Variants in JMJD1C observed in about 807,000 individuals in gnomAD.
The protein encoded by JMJD1C is jumonji domain containing 1C.
Under a neutral mutation model 245.3 loss-of-function variants are expected in JMJD1C, and 31 were observed. The ratio of observed to expected loss-of-function variants is 0.13; its 90% CI spans 0.09 to 0.17. The LOEUF (loss-of-function observed/expected upper bound fraction) is 0.17, where lower values mean the gene tolerates loss of function less well. Among genes scored for constraint, JMJD1C ranks in the 10% least tolerant of loss-of-function variants. The probability of loss-of-function intolerance (pLI) is 1.00; values close to 1 mark genes in which losing one functional copy is unlikely to be tolerated. For missense variants in JMJD1C, 2,691 were observed against 3,000.2 expected (o/e 0.90, Z 2.41); for synonymous variants, 1,057 against 1,017.4 (o/e 1.04, Z -0.74).
At chr10:63,483,337 T>C (rs906199208) in intron 1 of JMJD1C, among the ~76,000 whole-genome samples, 6 of 152,212 alleles carry the variant, frequency 3.9e-5, no homozygotes, top group African/African-American at 1.2e-4. Flanking sequence ...AAGTGAGCGG[T>C]TGCATAAGTC....
chr10:63,257,955 A>C (rs1458168621), intron 3 of JMJD1C, among the ~76,000 whole-genome samples: 1 of 152,222 alleles, frequency 6.6e-6, no homozygotes, highest in Non-Finnish European at 1.5e-5. Flanking sequence ...AGTTCTAGGG[A>C]AGACTAGTAA....
intron 1 of JMJD1C, among the ~76,000 whole-genome samples, chr10:63,515,520 C>G (rs991264363): frequency 6.6e-6 from 1 of 152,152 alleles, no homozygotes; most frequent in Non-Finnish European, 1.5e-5. Context: ...AGCAACTCCT[C>G]AATTACAGCT....
intron 1 of JMJD1C, among the ~76,000 whole-genome samples, chr10:63,508,983 A>T (rs1043979975): frequency 6.6e-6 from 1 of 152,202 alleles, no homozygotes; most frequent in African/African-American, 2.4e-5. Flanking sequence ...CAATGATTAG[A>T]GGGGACATTC....
At chr10:63,261,043 T>C (rs963264189) in intron 3 of JMJD1C, among the ~76,000 whole-genome samples, 27 of 152,174 alleles carry the variant, frequency 1.8e-4, no homozygotes, top group African/African-American at 6.5e-4. Context: ...ATGTTAAGTG[T>C]AGCCAGGCAT....
chr10:63,305,348 C>T (rs1937898142), intron 2 of JMJD1C, among the ~76,000 whole-genome samples: 1 of 135,182 alleles, frequency 7.4e-6, no homozygotes, highest in Admixed American at 7.9e-5. Flanking sequence ...AGCCTGGCGA[C>T]GGAGCAAGAC....
intron 1 of JMJD1C, among the ~76,000 whole-genome samples, chr10:63,426,503 T>A (rs1950448220): frequency 6.6e-6 from 1 of 152,162 alleles, no homozygotes; most frequent in South Asian, 2.1e-4. Flanking sequence ...AAACCCCGTC[T>A]CTACTGAAAA....
chr10:63,398,949 T>A (rs1196316706), intron 1 of JMJD1C, among the ~76,000 whole-genome samples: 1 of 152,188 alleles, frequency 6.6e-6, no homozygotes, highest in Non-Finnish European at 1.5e-5. Context: ...TCCTGGCCAC[T>A]GGAATATATT....
chr10:63,376,594 C>A (rs1946761782), intron 2 of JMJD1C, among the ~76,000 whole-genome samples: 1 of 151,916 alleles, frequency 6.6e-6, no homozygotes, highest in African/African-American at 2.4e-5. Context: ...ACAAATGATC[C>A]AATTCAAAAA....
At chr10:63,305,964 T>A (rs912618487) in intron 2 of JMJD1C, among the ~76,000 whole-genome samples, 1 of 152,028 alleles carries the variant, frequency 6.6e-6, no homozygotes, top group African/African-American at 2.4e-5. Context: ...GCACAAGCAA[T>A]CTGCCCACCT....
chr10:63,477,564 A>C (rs1419358784), intron 1 of JMJD1C, among the ~76,000 whole-genome samples: 1 of 152,040 alleles, frequency 6.6e-6, no homozygotes, highest in African/African-American at 2.4e-5. Flanking sequence ...AAAAAAAAAA[A>C]AAAAAACAAC....
intron 1 of JMJD1C, among the ~76,000 whole-genome samples, chr10:63,419,359 C>T (rs1949983619): frequency 6.6e-6 from 1 of 151,972 alleles, no homozygotes; most frequent in Non-Finnish European, 1.5e-5. Flanking sequence ...TGCACTCCAG[C>T]CTGGGCGACA....
At chr10:63,457,522 AAAC>A (rs1007579061) in intron 1 of JMJD1C, among the ~76,000 whole-genome samples, 8 of 152,202 alleles carry the variant, frequency 5.3e-5, no homozygotes, top group South Asian at 2.1e-4. Flanking sequence ...AACAAGATTA[AAAC>A]AACAACAACA....
intron 2 of JMJD1C, among the ~76,000 whole-genome samples, chr10:63,287,285 T>C (rs1858096192): frequency 6.6e-6 from 1 of 152,262 alleles, no homozygotes; most frequent in South Asian, 2.1e-4. Context: ...AGATTTTGGG[T>C]GATGCAAAGA....
At chr10:63,458,024 C>T (rs1471160309) in intron 1 of JMJD1C, among the ~76,000 whole-genome samples, 5 of 152,134 alleles carry the variant, frequency 3.3e-5, no homozygotes, top group Non-Finnish European at 5.9e-5. Flanking sequence ...ATAATAATTT[C>T]GTAAACTAGC....
Position 63,207,868 on chromosome 10 carries a change from A to G in JMJD1C, c.3801T>C (p.Ser1267=). 1 of 1,614,164 alleles carries G rather than the reference A, an allele frequency of 6.2e-7. No individual in the cohort carries two copies. Among genetic ancestry groups the G allele is most frequent in the Non-Finnish European group, 8.5e-7 (1 of 1,180,004 alleles). The change falls in exon 10 of 26, where the codon TCT becomes TCC. Residue 1267 remains serine, a synonymous_variant. Coordinates refer to ENST00000399262, the MANE Select transcript of JMJD1C (RefSeq NM_032776.3). ...PKDSQANFKS[S]SEQSLTEMWR... ...ACATCTCCGTCAAACTCTGTTCTGA[A>G]GAACTCTTAAAATTTGCCTGGGAGT...
chr10:63,463,938 T>A (rs1294437365), intron 1 of JMJD1C, among the ~76,000 whole-genome samples: 1 of 152,182 alleles, frequency 6.6e-6, no homozygotes, highest in East Asian at 1.9e-4. Flanking sequence ...TTTAATCACT[T>A]AAATTCCCAA....
At position 63,192,841 on chromosome 10, in the gene JMJD1C, A is replaced by G. The variant is rs1844996699; in HGVS notation, c.6076+97T>C. 3 of 900,156 alleles carry G rather than the reference A, an allele frequency of 3.3e-6. No homozygotes were observed. In the East Asian group the frequency reaches 7.3e-5, roughly 22 times the overall value. The allele number at this position is 900,156 out of a possible 1,614,324, so 55.8% of individuals were successfully genotyped here. A position where few individuals can be genotyped will look rare whatever the true frequency, so the allele number is the denominator to read the frequency against. ...AGAAAAAGACCAAAGTAAATTGTTT[A>G]CCTCAATATTAACAGTACTTTATTG... On this transcript the variant is annotated intron_variant, in intron 16 of 25. Coordinates refer to ENST00000399262, the MANE Select transcript of JMJD1C (RefSeq NM_032776.3).
chr10:63,373,732 C>T (rs1027728223), intron 2 of JMJD1C, among the ~76,000 whole-genome samples: 9 of 152,096 alleles, frequency 5.9e-5, no homozygotes, highest in African/African-American at 2.2e-4. Context: ...ATATACAGAT[C>T]CCTCAAATTT....
At chr10:63,252,437 C>T (rs1385826231) in intron 3 of JMJD1C, among the ~76,000 whole-genome samples, 1 of 152,186 alleles carries the variant, frequency 6.6e-6, no homozygotes, top group Non-Finnish European at 1.5e-5. Context: ...AGACTAAGGT[C>T]TCTCAAGGAA....
Sources: allele counts gnomAD v4.1 joint callset (sites outside exome capture counted in the v4.1 genomes callset), GRCh38; gene constraint gnomAD v4.1.1; transcripts MANE v1.5; gene names NCBI Gene and HGNC (gene_info 2026-07-23, HGNC 2026-07-21).